Variants in SOBP observed in about 807,000 individuals in gnomAD.
The protein encoded by SOBP is sine oculis binding protein homolog, also known as sine oculis-binding protein homolog.
SOBP carries 4 observed loss-of-function variants against 53.6 expected under a neutral mutation model. The observed-to-expected ratio is 0.07, with a 90% confidence interval of 0.04 to 0.17. The LOEUF (loss-of-function observed/expected upper bound fraction) is 0.17. Ranked by LOEUF, SOBP falls within the 10% of genes least tolerant of loss-of-function variation. The pLI is 1.00. For synonymous variants in SOBP, 584 were observed against 522.6 expected, an observed-to-expected ratio of 1.12 and a Z score of -1.60; for missense variants, 1,088 against 1,204.7, an observed-to-expected ratio of 0.90 and a Z score of 1.43.
At chr6:107,574,859 C>T (rs1785179988) in intron 4 of SOBP, among the ~76,000 whole-genome samples, 1 of 152,166 alleles carries the variant, frequency 6.6e-6, no homozygotes, top group Non-Finnish European at 1.5e-5. Flanking sequence ...CTCACCACCC[C>T]TCCGTTTCAG....
At chr6:107,499,311 C>T (rs117829259) in intron 1 of SOBP, among the ~76,000 whole-genome samples, 1 of 152,042 alleles carries the variant, frequency 6.6e-6, no homozygotes, top group South Asian at 2.1e-4. Context: ...AAGAGGATGT[C>T]ATATAGGTTC....
chr6:107,628,871 G>C (rs1770579404), intron 5 of SOBP, among the ~76,000 whole-genome samples: 1 of 152,204 alleles, frequency 6.6e-6, no homozygotes, highest in African/African-American at 2.4e-5. Context: ...GTGCTCAGGT[G>C]GGTCAGTCTG....
chr6:107,541,508 AT>A (rs1784146297), intron 4 of SOBP, among the ~76,000 whole-genome samples: 1 of 152,162 alleles, frequency 6.6e-6, no homozygotes, highest in Admixed American at 6.5e-5. Context: ...AACTTTCTTG[AT>A]TAGCTAATTA....
At chr6:107,521,868 C>G (rs1025058925) in intron 3 of SOBP, among the ~76,000 whole-genome samples, 1 of 150,870 alleles carries the variant, frequency 6.6e-6, no homozygotes, top group African/African-American at 2.4e-5. Flanking sequence ...ATGCTCCTGT[C>G]TTAACCTGGC....
chr6:107,621,814 T>G (rs1004618940), intron 5 of SOBP, among the ~76,000 whole-genome samples: 3 of 152,188 alleles, frequency 2.0e-5, no homozygotes, highest in Non-Finnish European at 4.4e-5. Flanking sequence ...AAAAACCTCC[T>G]CATTATTGCA....
chr6:107,631,383 C>A (rs1770710338), intron 5 of SOBP, among the ~76,000 whole-genome samples: 1 of 152,270 alleles, frequency 6.6e-6, no homozygotes, highest in Non-Finnish European at 1.5e-5. Context: ...GAAACAGAAG[C>A]AGGTGGTTTT....
At chr6:107,641,347 T>C (rs952178777) in intron 6 of SOBP, among the ~76,000 whole-genome samples, 5 of 152,150 alleles carry the variant, frequency 3.3e-5, no homozygotes, top group African/African-American at 1.2e-4. Flanking sequence ...GGGCCTGTGA[T>C]GAAAGAAGAA....
chr6:107,522,412 G>A (rs989529619), intron 3 of SOBP, among the ~76,000 whole-genome samples: 11 of 152,114 alleles, frequency 7.2e-5, no homozygotes, highest in Non-Finnish European at 1.3e-4. Context: ...AGAGGTATTG[G>A]TGGCTTCACT....
chr6:107,549,449 G>GAA (rs61202616), intron 4 of SOBP, among the ~76,000 whole-genome samples: 156 of 148,420 alleles, frequency 1.1e-3, no homozygotes, highest in South Asian at 1.1e-3. Context: ...AGAAACTCAG[G>GAA]AAAAAAAAAA....
intron 4 of SOBP, among the ~76,000 whole-genome samples, chr6:107,535,765 C>T (rs965318449): frequency 2.0e-5 from 3 of 151,874 alleles, no homozygotes; most frequent in African/African-American, 7.3e-5. Flanking sequence ...ACAGCTGCTG[C>T]ATTTCTGTTA....
intron 4 of SOBP, among the ~76,000 whole-genome samples, chr6:107,553,446 A>G (rs901119648): frequency 1.3e-5 from 2 of 151,046 alleles, no homozygotes; most frequent in African/African-American, 4.9e-5. Context: ...CTCCTGCCTC[A>G]GCGTCCCAAG....
chr6:107,490,300 G>C lies in SOBP; in HGVS notation c.-317G>C, dbSNP rs1782541148. 6.7e-6 allele frequency: 1 copy of C among 149,706 alleles called. No homozygotes were observed. Among genetic ancestry groups the C allele is most frequent in the Non-Finnish European group, 1.5e-5 (1 of 68,486 alleles). 9.3% of individuals were successfully genotyped at this position (149,706 alleles called of 1,614,324 possible). On this transcript the variant is annotated 5_prime_UTR_variant, in exon 1 of 7. Transcript: ENST00000317357. ...GCGGCAGCGGCAGCGAGGGCGGCAG[G>C]GGCAGCGGCAGCAGCGGCGGCGTTG...
At chr6:107,572,076 T>C (rs1449775005) in intron 4 of SOBP, among the ~76,000 whole-genome samples, 1 of 152,340 alleles carries the variant, frequency 6.6e-6, no homozygotes, top group South Asian at 2.1e-4. Context: ...TTCTCACTTA[T>C]GCAGAAGAAA....
intron 4 of SOBP, among the ~76,000 whole-genome samples, chr6:107,586,244 A>C (rs1392775589): frequency 6.6e-6 from 1 of 152,216 alleles, no homozygotes; most frequent in African/African-American, 2.4e-5. Flanking sequence ...GGAAAGAGAG[A>C]GCAGTTAGGG....
chr6:107,606,483 A>C (rs1786387242), intron 5 of SOBP, among the ~76,000 whole-genome samples: 1 of 152,132 alleles, frequency 6.6e-6, no homozygotes, highest in African/African-American at 2.4e-5. Context: ...TGCAGCATTC[A>C]AGGGAATGCA....
At chr6:107,527,831 G>A (rs913062996) in intron 3 of SOBP, among the ~76,000 whole-genome samples, 2 of 152,206 alleles carry the variant, frequency 1.3e-5, no homozygotes, top group Non-Finnish European at 2.9e-5. Flanking sequence ...TGTCCTAAGT[G>A]GATCTGCCTG....
At chr6:107,644,560 A>G (rs1771475213) in intron 6 of SOBP, among the ~76,000 whole-genome samples, 1 of 152,216 alleles carries the variant, frequency 6.6e-6, no homozygotes, top group Non-Finnish European at 1.5e-5. Context: ...CGCAGAATCC[A>G]TTTAAGCTTT....
intron 5 of SOBP, among the ~76,000 whole-genome samples, chr6:107,605,125 A>G (rs1300529641): frequency 6.6e-6 from 1 of 152,144 alleles, no homozygotes; most frequent in African/African-American, 2.4e-5. Context: ...CAGATTAGCC[A>G]TCAACCAGAC....
chr6:107,656,362 AAAGAAAGT>A (rs1271209071), intron 6 of SOBP, among the ~76,000 whole-genome samples: 2,814 of 30,886 alleles, frequency 0.091, 73 homozygotes, highest in African/African-American at 0.11. Flanking sequence ...AGAAAGAAAG[AAAGAAAGT>A]AAGTCAAATG....
Sources: gnomAD v4.1 joint callset for allele counts (sites outside exome capture counted in the v4.1 genomes callset) on GRCh38, gnomAD v4.1.1 for gene constraint, MANE v1.5 for transcripts, NCBI Gene and HGNC (gene_info 2026-07-23, HGNC 2026-07-21) for gene names.